Variants in PITPNC1 observed in about 807,000 individuals in gnomAD.
The protein encoded by PITPNC1 is cytoplasmic phosphatidylinositol transfer protein 1.
Under a neutral mutation model 44.7 loss-of-function variants are expected in PITPNC1, and 18 were observed. That is an observed-to-expected ratio of 0.40 (90% CI 0.28 to 0.60). The LOEUF is 0.60. Among genes scored for constraint, PITPNC1 ranks in the 20% least tolerant of loss-of-function variants. The probability of loss-of-function intolerance (pLI) is 0.39; values close to 1 mark genes in which losing one functional copy is unlikely to be tolerated. For missense variants in PITPNC1, 290 were observed against 418.4 expected (o/e 0.69, Z 2.68); for synonymous variants, 141 against 149.6 (o/e 0.94, Z 0.42).
intron 2 of PITPNC1, among the ~76,000 whole-genome samples, chr17:67,539,662 C>T (rs1568032378): frequency 6.6e-6 from 1 of 152,122 alleles, no homozygotes; most frequent in Non-Finnish European, 1.5e-5. Context: ...CACGGTGAAA[C>T]CCCGTCTCTA....
At chr17:67,552,382 A>G in intron 3 of PITPNC1, 37 bp downstream of exon 3, 1 of 1,002,932 alleles carries the variant, frequency 1.0e-6, no homozygotes, top group Non-Finnish European at 1.6e-6. Context: ...ACATGTAGTG[A>G]GTGCAAGGAC....
chr17:67,609,579 C>T (rs1000057782), intron 5 of PITPNC1, among the ~76,000 whole-genome samples: 3 of 152,026 alleles, frequency 2.0e-5, no homozygotes, highest in Admixed American at 6.6e-5. Flanking sequence ...CGTGAACCAC[C>T]GCACCCAGCC....
At position 67,669,671 on chromosome 17, in the gene PITPNC1, G is replaced by A; in HGVS notation, c.618+8G>A. Reference sequence around the variant, plus strand: ...GAACAATTTGTACACAAGGTAAGTGGTCCAACAGCAGTTCCTGGGCTGTGG... The same window carrying A: ...GAACAATTTGTACACAAGGTAAGTGATCCAACAGCAGTTCCTGGGCTGTGG... On this transcript the variant is annotated splice_region_variant and intron_variant, in intron 7 of 8. Coordinates refer to ENST00000581322, the MANE Select transcript of PITPNC1 (RefSeq NM_012417.4). 1 of 1,580,326 alleles carries A rather than the reference G, an allele frequency of 6.3e-7. No homozygotes were observed. The highest frequency in any genetic ancestry group is 8.6e-7 in the Non-Finnish European group (1 of 1,161,430).
At chr17:67,463,866 T>C (rs1033977460) in intron 1 of PITPNC1, among the ~76,000 whole-genome samples, 9 of 150,032 alleles carry the variant, frequency 6.0e-5, no homozygotes, top group African/African-American at 2.2e-4. Flanking sequence ...TGCACTCCAG[T>C]GTGAGTGACA....
intron 1 of PITPNC1, among the ~76,000 whole-genome samples, chr17:67,507,460 G>A (rs1412394601): frequency 6.6e-6 from 1 of 151,980 alleles, no homozygotes; most frequent in Non-Finnish European, 1.5e-5. Flanking sequence ...AGAGGTAGGC[G>A]GATCACTTTA....
chr17:67,647,809 T>A (rs1598930467), intron 6 of PITPNC1, among the ~76,000 whole-genome samples: 1 of 152,224 alleles, frequency 6.6e-6, no homozygotes, highest in Non-Finnish European at 1.5e-5. Flanking sequence ...TTCTCTCACT[T>A]CAAAGCCTCC....
intron 5 of PITPNC1, among the ~76,000 whole-genome samples, chr17:67,609,916 C>T (rs1175681651): frequency 6.6e-6 from 1 of 152,124 alleles, no homozygotes; most frequent in Non-Finnish European, 1.5e-5. Context: ...CTACCATGGC[C>T]CTAGTTAAGG....
At chr17:67,552,230 T>G in intron 2 of PITPNC1, 27 bp from the exon 3 acceptor site, 1 of 1,174,326 alleles carries the variant, frequency 8.5e-7, no homozygotes, top group Non-Finnish European at 1.3e-6. Context: ...CAGACTCCAA[T>G]TGTCTTTTTT....
intron 1 of PITPNC1, among the ~76,000 whole-genome samples, chr17:67,527,611 G>T (rs970521359): frequency 6.6e-6 from 1 of 152,152 alleles, no homozygotes; most frequent in African/African-American, 2.4e-5. Context: ...GCTGAGCAGA[G>T]AATTTCTTAA....
At position 67,523,897 on chromosome 17, in the gene PITPNC1, C is replaced by T. The variant is rs756367719; in HGVS notation, c.49-8905C>T. Among the ~76,000 whole-genome samples the T allele has an allele frequency of 4.0e-5, 6 of 151,102 alleles. 1 individual carries two copies. Among genetic ancestry groups the T allele is most frequent in the East Asian group, 3.9e-4 (2 of 5,166 alleles). Reference sequence around the variant, plus strand: ...TGCAATCTCTGCTCACTGCAACCTCCGCCTCCCGGGTTCAAGTGATTCTCC... The same window carrying T: ...TGCAATCTCTGCTCACTGCAACCTCTGCCTCCCGGGTTCAAGTGATTCTCC... On this transcript the variant is annotated intron_variant, in intron 1 of 8. Transcript: ENST00000581322.
chr17:67,520,262 G>T (rs997209456), intron 1 of PITPNC1, among the ~76,000 whole-genome samples: 4 of 152,072 alleles, frequency 2.6e-5, no homozygotes, highest in African/African-American at 9.7e-5. Flanking sequence ...CTGTTTATGG[G>T]GCTAAGGTTA....
chr17:67,648,700 C>T (rs2042177777), intron 6 of PITPNC1, among the ~76,000 whole-genome samples: 1 of 152,172 alleles, frequency 6.6e-6, no homozygotes, highest in South Asian at 2.1e-4. Flanking sequence ...GACCCTCTTC[C>T]CACAGCTCTG....
At chr17:67,445,728 A>G (rs2039084048) in intron 1 of PITPNC1, among the ~76,000 whole-genome samples, 1 of 152,070 alleles carries the variant, frequency 6.6e-6, no homozygotes, top group African/African-American at 2.4e-5. Context: ...TTTAATCCTT[A>G]TTATGAATAA....
rs148992799 is a variant in PITPNC1, at chr17:67,559,725, A to G, written c.294+6108A>G. ...AACATGGTGAAACCTTGTCTCGACT[A>G]AAAATACAAACATTAGCTGTGCATG... On this transcript the variant is annotated intron_variant, in intron 4 of 8. Transcript: ENST00000581322. Among the ~76,000 whole-genome samples the G allele has an allele frequency of 4.1e-4, 62 of 152,316 alleles. 1 individual carries two copies. In the East Asian group the frequency reaches 6.6e-3, roughly 16 times the overall value.
At chr17:67,447,143 G>A (rs1252859952) in intron 1 of PITPNC1, among the ~76,000 whole-genome samples, 3 of 142,158 alleles carry the variant, frequency 2.1e-5, no homozygotes, top group East Asian at 2.1e-4. Context: ...TAAGAAGAAT[G>A]TGTGTTTGGA....
chr17:67,505,522 T>A (rs1411885852), intron 1 of PITPNC1, among the ~76,000 whole-genome samples: 2 of 152,238 alleles, frequency 1.3e-5, no homozygotes, highest in African/African-American at 4.8e-5. Context: ...TTGTCTGATA[T>A]TAGTACAGCC....
intron 7 of PITPNC1, among the ~76,000 whole-genome samples, chr17:67,673,559 C>A (rs551417034): frequency 2.6e-5 from 4 of 152,200 alleles, no homozygotes; most frequent in Admixed American, 6.5e-5. Context: ...TTCATCCTTT[C>A]AATGGTAAAC....
chr17:67,478,430 G>C (rs532087322), intron 1 of PITPNC1, among the ~76,000 whole-genome samples: 51 of 152,178 alleles, frequency 3.4e-4, no homozygotes, highest in African/African-American at 1.1e-3. Context: ...ACCTCTTTTC[G>C]GGAAACCAAG....
intron 1 of PITPNC1, among the ~76,000 whole-genome samples, chr17:67,446,618 T>C (rs2039099507): frequency 6.6e-6 from 1 of 151,632 alleles, no homozygotes; most frequent in South Asian, 2.1e-4. Flanking sequence ...AGAGAGATAC[T>C]TTAGTGTTTG....
Sources: allele counts gnomAD v4.1 joint callset (sites outside exome capture counted in the v4.1 genomes callset), GRCh38; gene constraint gnomAD v4.1.1; transcripts MANE v1.5; gene names NCBI Gene and HGNC (gene_info 2026-07-23, HGNC 2026-07-21).